NAA38: variants seen among roughly 807,000 people sequenced by gnomAD.
NAA38 encodes LSM domain containing 1.
A neutral mutation model predicts 12.6 loss-of-function variants in NAA38; 15 were observed. The observed-to-expected ratio is 1.19, with a 90% CI of 0.79 to 1.83. The LOEUF (loss-of-function observed/expected upper bound fraction) is 1.83. Ranked by LOEUF, NAA38 falls within the 40% of genes most tolerant of loss-of-function variation. The pLI is 0.00. For synonymous variants in NAA38, 88 were observed against 69.9 expected (o/e 1.26, Z -1.29); for missense variants, 183 against 171.7 (o/e 1.07, Z -0.37).
At chr17:7,884,978 C>T (rs1597891609) in intron 1 of NAA38, 3 of 1,276,342 alleles carry the variant, frequency 2.4e-6, no homozygotes, top group Non-Finnish European at 9.9e-7. Context: ...CGGGCCGGGC[C>T]ACGACCGGGG....
intron 1 of NAA38, among the ~76,000 whole-genome samples, chr17:7,884,150 AAGG>A (rs928756622): frequency 6.6e-6 from 1 of 151,692 alleles, no homozygotes; most frequent in African/African-American, 2.4e-5. Context: ...AGTTATGAAA[AAGG>A]AGAAATTTGT....
intron 1 of NAA38, among the ~76,000 whole-genome samples, chr17:7,884,094 A>C (rs1967397411): frequency 6.6e-6 from 1 of 150,718 alleles, no homozygotes. Context: ...ACACACACAC[A>C]CTTCAGTACA....
At chr17:7,858,152 G>A (rs752656466), upstream of NAA38, 15 of 1,613,552 alleles carry the variant, frequency 9.3e-6, no homozygotes, top group Admixed American at 1.7e-5. Flanking sequence ...GCCGGGGCCT[G>A]GTGGCTGGGC....
At position 7,857,554 on chromosome 17, in the gene NAA38, C is replaced by T; in HGVS notation, c.-91G>A. On this transcript the variant is annotated 5_prime_UTR_variant, in exon 1 of 3. Coordinates refer to ENST00000575771, the MANE Select transcript of NAA38 (RefSeq NM_001320925.4). ...TCTCGCGAGCGCTCCCGACCTCTTT[C>T]CTTTCGCGAGATCCCCTCTCCTCCC... 2 of 1,428,816 alleles carry T rather than the reference C, an allele frequency of 1.4e-6. No individual in the cohort carries two copies. Among genetic ancestry groups the T allele is most frequent in the South Asian group, 3.3e-5 (2 of 61,286 alleles). 88.5% of individuals were successfully genotyped at this position (1,428,816 alleles called of 1,614,324 possible). A position where few individuals can be genotyped will look rare whatever the true frequency, so the allele number is the denominator to read the frequency against.
chr17:7,859,478 C>A, upstream of NAA38: 4 of 1,614,108 alleles, frequency 2.5e-6, no homozygotes, highest in Non-Finnish European at 3.4e-6. Context: ...AGGGAAGAAC[C>A]TGAACATGGA....
chr17:7,863,295 T>C (rs1466998809), intron 3 of NAA38: 1 of 152,132 alleles, frequency 6.6e-6, no homozygotes, highest in Non-Finnish European at 1.5e-5. Context: ...AGAACATGAG[T>C]GTAGGGTCCA....
chr17:7,856,725 T>C lies in NAA38; in HGVS notation c.*6A>G. The C allele has an allele frequency of 6.2e-7, 1 of 1,609,382 alleles. No homozygotes were observed. Among genetic ancestry groups the C allele is most frequent in the Admixed American group, 1.7e-5 (1 of 59,970 alleles). On this transcript the variant is annotated 3_prime_UTR_variant, in exon 3 of 3. Coordinates refer to ENST00000575771, the MANE Select transcript of NAA38 (RefSeq NM_001320925.4). ...AATGAAGTCTGAAAGGTAAGCGCCATCGTGGTCAGAGATACGGAGGCCCGG... is the reference window on the plus strand; with the variant it reads ...AATGAAGTCTGAAAGGTAAGCGCCACCGTGGTCAGAGATACGGAGGCCCGG...
At chr17:7,872,736 T>A (rs900483056) in intron 2 of NAA38, among the ~76,000 whole-genome samples, 5 of 152,242 alleles carry the variant, frequency 3.3e-5, no homozygotes, top group African/African-American at 1.2e-4. Flanking sequence ...ACCTTTTATA[T>A]TTTCACAAAT....
intron 1 of NAA38, 86 bp from the exon 2 acceptor site, chr17:7,857,284 TCA>T (rs773909352): frequency 6.2e-7 from 1 of 1,610,716 alleles, no homozygotes; most frequent in South Asian, 1.1e-5. Context: ...CGCGGGGCAC[TCA>T]CACAAAGCCC....
chr17:7,866,480 G>A, intron 3 of NAA38: 3 of 1,231,410 alleles, frequency 2.4e-6, no homozygotes, highest in Non-Finnish European at 3.0e-6. Flanking sequence ...GATGAACTTA[G>A]AAACCCTTAC....
Position 7,857,200 on chromosome 17 carries a change from T to A in NAA38, c.82-2A>T. The A allele has an allele frequency of 6.2e-7, 1 of 1,612,996 alleles. No individual in the cohort carries two copies. Among genetic ancestry groups the A allele is most frequent in the Non-Finnish European group, 8.5e-7 (1 of 1,179,986 alleles). ...GTCCTCGCGCTCTCCGTCCGAATCCTGCGCGGGGTGTAACAAGCGCTCAGA... is the reference window on the plus strand; with the variant it reads ...GTCCTCGCGCTCTCCGTCCGAATCCAGCGCGGGGTGTAACAAGCGCTCAGA... On this transcript the variant is annotated splice_acceptor_variant, in intron 1 of 2. Coordinates refer to ENST00000575771, the MANE Select transcript of NAA38 (RefSeq NM_001320925.4). LOFTEE classifies it high-confidence loss of function.
At chr17:7,866,253 ATTTTTTTTTTTT>A (rs56289148) in intron 3 of NAA38, among the ~76,000 whole-genome samples, 2,650 of 90,614 alleles carry the variant, frequency 0.029, 130 homozygotes, top group African/African-American at 0.11. Flanking sequence ...AGCCCGGCTA[ATTTTTTTTTTTT>A]TTTTTTTTTT....
intron 2 of NAA38, among the ~76,000 whole-genome samples, chr17:7,880,281 A>C (rs1488230161): frequency 2.6e-5 from 4 of 152,008 alleles, no homozygotes; most frequent in African/African-American, 9.7e-5. Flanking sequence ...AGAAAGAACC[A>C]AGAAAAGAGA....
intron 2 of NAA38, among the ~76,000 whole-genome samples, chr17:7,869,746 G>C (rs1967053043): frequency 6.6e-6 from 1 of 152,044 alleles, no homozygotes; most frequent in Non-Finnish European, 1.5e-5. Context: ...CCGGGTGACA[G>C]AGCAAGACTC....
upstream of NAA38, chr17:7,859,035 A>G (rs776718773): frequency 1.8e-4 from 103 of 568,166 alleles, no homozygotes; most frequent in Admixed American, 3.1e-4. Context: ...AGACTCCTTT[A>G]TAAGCCTGGG....
At position 7,874,049 on chromosome 17, in the gene NAA38, G is replaced by C. The variant is rs552980189; in HGVS notation, c.-65-7491C>G. The stretch of plus-strand genomic sequence containing the variant: ...AGCAACCAAAGTGATACAAGGCCAG[G>C]GGTTTGCAGGAAGGAAAATAAGAAG... On this transcript the variant is annotated intron_variant, in intron 2 of 4. Coordinates refer to the NAA38 transcript ENST00000576861. Among the ~76,000 whole-genome samples, 695 of 152,270 alleles carry C rather than the reference G, an allele frequency of 4.6e-3. 3 individuals are homozygous for C. Among genetic ancestry groups the C allele is most frequent in the African/African-American group, 0.015 (642 of 41,542 alleles).
intron 2 of NAA38, among the ~76,000 whole-genome samples, chr17:7,881,127 G>C (rs530463878): frequency 6.6e-6 from 1 of 152,254 alleles, no homozygotes; most frequent in South Asian, 2.1e-4. Context: ...CAGTATCCAG[G>C]AAATGTGAAA....
At position 7,857,171 on chromosome 17, in the gene NAA38, C is replaced by T. The variant is rs1190633287; in HGVS notation, c.109G>A (p.Ala37Thr). The T allele has an allele frequency of 1.9e-6, 3 of 1,613,154 alleles. No homozygotes were observed. The highest frequency in any genetic ancestry group is 4.5e-5 in the East Asian group (2 of 44,852). Residue 37 changes from alanine (A) to threonine (T), a missense_variant, in exon 2 of 3, where the codon GCG (alanine) becomes ACG (threonine). Physicochemically the swap from Ala to Thr is moderately conservative, Grantham distance 58. Coordinates refer to ENST00000575771, the MANE Select transcript of NAA38 (RefSeq NM_001320925.4). The part of the protein sequence containing the change: ...GDSDGEREDS[A>T]AERARQQLEA... ...AGCTGCTGTCGGGCGCGCTCAGCCGCCGAGTCCTCGCGCTCTCCGTCCGAA... is the reference window on the plus strand; with the variant it reads ...AGCTGCTGTCGGGCGCGCTCAGCCGTCGAGTCCTCGCGCTCTCCGTCCGAA...
intron 2 of NAA38, among the ~76,000 whole-genome samples, chr17:7,873,409 G>T (rs966353948): frequency 6.6e-6 from 1 of 152,202 alleles, no homozygotes; most frequent in African/African-American, 2.4e-5. Context: ...TGGTAATTTG[G>T]TGAAAGCAGC....
Sources: gnomAD v4.1 joint callset for allele counts (sites outside exome capture counted in the v4.1 genomes callset) on GRCh38, gnomAD v4.1.1 for gene constraint, MANE v1.5 for transcripts, NCBI Gene and HGNC (gene_info 2026-07-23, HGNC 2026-07-21) for gene names.